The following CLEC4A variants were observed in gnomAD, a reference collection of about 807,000 sequenced individuals.
CLEC4A encodes the protein C-type (calcium dependent, carbohydrate-recognition domain) lectin, superfamily member 6.
A neutral mutation model predicts 32.7 loss-of-function variants in CLEC4A; 27 were observed. That is an observed-to-expected ratio of 0.83 (90% CI 0.61 to 1.14). CLEC4A has a LOEUF of 1.14. CLEC4A is among the 50% of genes most tolerant of loss of function. CLEC4A has a pLI of 0.00. For synonymous variants in CLEC4A, 89 were observed against 93.7 expected (o/e 0.95, Z 0.29); for missense variants, 253 against 274.6 (o/e 0.92, Z 0.55).
chr12:8,109,795 G>GT, the CLEC4A span, among the ~76,000 whole-genome samples: 63 of 152,272 alleles, frequency 4.1e-4, no homozygotes, highest in African/African-American at 1.3e-3. Flanking sequence ...TTTGTTGCTG[G>GT]TACTAGTACT....
upstream of CLEC4A, among the ~76,000 whole-genome samples, chr12:8,122,818 TTG>T (rs1947845655): frequency 6.6e-6 from 1 of 151,458 alleles, no homozygotes; most frequent in African/African-American, 2.4e-5. Flanking sequence ...ACGTGTGTGT[TTG>T]TGTGTGTGTG....
At chr12:8,130,272 C>G (rs1325925335) in intron 3 of CLEC4A, among the ~76,000 whole-genome samples, 3 of 151,998 alleles carry the variant, frequency 2.0e-5, no homozygotes, top group African/African-American at 7.2e-5. Context: ...CACATTTGCT[C>G]TTTTTTTCAC....
Position 8,134,973 on chromosome 12 carries a change from G to GTTT in CLEC4A, c.299-609_299-607dup, listed in dbSNP as rs371181779. 2.5e-4 allele frequency: 79 copies of GTTT among 318,836 alleles called. 2 individuals carry two copies. The African/African-American group carries it at 2.7e-3, about 11-fold the overall frequency. The allele number at this position is 318,836 out of a possible 1,614,324, so 19.8% of individuals were successfully genotyped here. On this transcript the variant is annotated intron_variant, in intron 3 of 5. Coordinates refer to ENST00000229332, the MANE Select transcript of CLEC4A (RefSeq NM_016184.4). ...CATGTCTGTATCTTCTTGTTGAAGCGTTTTTGTTTTTTGTTTTTTTTTAAT... is the reference window on the plus strand; with the variant it reads ...CATGTCTGTATCTTCTTGTTGAAGCGTTTTTTTTGTTTTTTGTTTTTTTTTAAT...
intron 2 of CLEC4A, among the ~76,000 whole-genome samples, chr12:8,126,107 C>T (rs1180672817): frequency 6.6e-6 from 1 of 152,200 alleles, no homozygotes. Flanking sequence ...GAAGAGTTCT[C>T]CACTGGCTTT....
chr12:8,137,054 G>T, intron 5 of CLEC4A, 151 bp downstream of exon 5: 1 of 497,942 alleles, frequency 2.0e-6, no homozygotes, highest in Non-Finnish European at 3.6e-6. Flanking sequence ...CATTTAATCT[G>T]CGCAAGAACC....
the CLEC4A span, among the ~76,000 whole-genome samples, chr12:8,113,000 G>A: frequency 2.9e-4 from 44 of 151,760 alleles, no homozygotes; most frequent in Non-Finnish European, 5.4e-4. Context: ...AAGTTTTAGG[G>A]TACATGTGCA....
At chr12:8,123,202 A>G (rs1456379294), upstream of CLEC4A, among the ~76,000 whole-genome samples, 1 of 152,240 alleles carries the variant, frequency 6.6e-6, no homozygotes, top group Admixed American at 6.5e-5. Flanking sequence ...TGGAGATTCT[A>G]GCAAGATGAA....
rs142920659 is a variant in CLEC4A, at chr12:8,133,068, C to T, written c.299-2517C>T. On this transcript the variant is annotated intron_variant, in intron 3 of 5. Transcript: ENST00000229332. ...TAGCTGGGATTACAGGTGTGCGCCA[C>T]CATGCCCTGCTAATTTTTGTATTTT... Among the ~76,000 whole-genome samples the T allele has an allele frequency of 7.5e-3, 1,143 of 152,244 alleles. 17 individuals carry two copies. The highest frequency in any genetic ancestry group is 0.026 in the African/African-American group (1,077 of 41,522).
At chr12:8,121,076 A>C (rs894447129), upstream of CLEC4A, 1 of 152,180 alleles carries the variant, frequency 6.6e-6, no homozygotes, top group African/African-American at 2.4e-5. Context: ...GTTGCAGTCA[A>C]CTCCAAGGTG....
rs762439486 is a variant in CLEC4A at position 8,127,542 on chromosome 12, A to G, written c.200-1722A>G. 2.0e-5 allele frequency among the ~76,000 whole-genome samples: 3 copies of G among 152,350 alleles called. No individual in the cohort carries two copies. The East Asian group carries it at 5.8e-4, about 29-fold the overall frequency. On this transcript the variant is annotated intron_variant, in intron 2 of 5. Transcript: ENST00000229332. Reference sequence around the variant, plus strand: ...TCATAGAGAAAATTGAAGAATTTTAAGCAGGGAATTGATATAATTGGATTG... The same window carrying G: ...TCATAGAGAAAATTGAAGAATTTTAGGCAGGGAATTGATATAATTGGATTG...
chr12:8,138,323 T>A lies in CLEC4A; in HGVS notation c.*36T>A, dbSNP rs769394224. Reference sequence around the variant, plus strand: ...CTCCATGAACAGGTGGTTGGATTGGTATCTGTCATTGTAGGGATAGATAAT... The same window carrying A: ...CTCCATGAACAGGTGGTTGGATTGGAATCTGTCATTGTAGGGATAGATAAT... On this transcript the variant is annotated 3_prime_UTR_variant, in exon 6 of 6. Coordinates refer to ENST00000229332, the MANE Select transcript of CLEC4A (RefSeq NM_016184.4). 3 of 1,612,182 alleles carry A rather than the reference T, an allele frequency of 1.9e-6. No individual in the cohort carries two copies. Among genetic ancestry groups the A allele is most frequent in the Non-Finnish European group, 2.5e-6 (3 of 1,178,630 alleles).
At chr12:8,131,994 C>T (rs896946611) in intron 3 of CLEC4A, among the ~76,000 whole-genome samples, 1 of 152,080 alleles carries the variant, frequency 6.6e-6, no homozygotes, top group Admixed American at 6.5e-5. Flanking sequence ...CTCTCCCTCC[C>T]CGGCTTGCTC....
At chr12:8,123,352 T>C (rs1001080444), upstream of CLEC4A, among the ~76,000 whole-genome samples, 2 of 152,182 alleles carry the variant, frequency 1.3e-5, no homozygotes, top group Non-Finnish European at 2.9e-5. Flanking sequence ...GAGGCTGATA[T>C]GTGAGTTTTG....
At chr12:8,111,689 G>A in the CLEC4A span, among the ~76,000 whole-genome samples, 11 of 152,148 alleles carry the variant, frequency 7.2e-5, no homozygotes, top group South Asian at 2.1e-3. Context: ...TGGATGTACC[G>A]TAATATATTT....
At chr12:8,108,092 C>A in the CLEC4A span, among the ~76,000 whole-genome samples, 2 of 152,208 alleles carry the variant, frequency 1.3e-5, no homozygotes, top group South Asian at 2.1e-4. Context: ...TTGTATATTT[C>A]TCATTAGTTT....
At chr12:8,135,849 T>A in intron 4 of CLEC4A, 113 bp downstream of exon 4, 1 of 1,060,712 alleles carries the variant, frequency 9.4e-7, no homozygotes, top group Non-Finnish European at 1.3e-6. Context: ...GCAGAAGGCT[T>A]TCAATAAAAT....
the CLEC4A span, among the ~76,000 whole-genome samples, chr12:8,114,417 T>C: frequency 2.6e-5 from 4 of 152,062 alleles, no homozygotes; most frequent in Non-Finnish European, 5.9e-5. Flanking sequence ...GCTAATTTTT[T>C]GTAGTTTTAG....
the CLEC4A span, among the ~76,000 whole-genome samples, chr12:8,105,658 G>A: frequency 6.6e-6 from 1 of 152,064 alleles, no homozygotes; most frequent in Non-Finnish European, 1.5e-5. Context: ...CTGATGTTGA[G>A]CAATTTTTCA....
the CLEC4A span, among the ~76,000 whole-genome samples, chr12:8,106,915 A>G: frequency 6.6e-6 from 1 of 152,166 alleles, no homozygotes; most frequent in Non-Finnish European, 1.5e-5. Context: ...ACTATGTTGC[A>G]TAGGAATGGT....
Sources: allele counts gnomAD v4.1 joint callset (sites outside exome capture counted in the v4.1 genomes callset), GRCh38; gene constraint gnomAD v4.1.1; transcripts MANE v1.5; gene names NCBI Gene and HGNC (gene_info 2026-07-23, HGNC 2026-07-21).